IFNLR1: variants seen among roughly 807,000 people sequenced by gnomAD.
The protein encoded by IFNLR1 is CRF2-12.
Under a neutral mutation model 52.5 loss-of-function variants are expected in IFNLR1, and 28 were observed. That is an observed-to-expected ratio of 0.53 (90% CI 0.40 to 0.73). The LOEUF is 0.73. IFNLR1 is among the 30% of genes least tolerant of loss of function. IFNLR1 has a pLI of 0.00. For synonymous variants in IFNLR1, 276 were observed against 274.9 expected (o/e 1.00, Z -0.04); for missense variants, 623 against 659.1 (o/e 0.95, Z 0.60).
intron 3 of IFNLR1, among the ~76,000 whole-genome samples, chr1:24,166,559 T>G (rs2148592875): frequency 6.6e-6 from 1 of 152,230 alleles, no homozygotes; most frequent in Non-Finnish European, 1.5e-5. Context: ...AATTTTTTCT[T>G]TCTTTAAGAC....
chr1:24,182,273 A>G (rs1023851495), intron 1 of IFNLR1, among the ~76,000 whole-genome samples: 2 of 151,404 alleles, frequency 1.3e-5, no homozygotes, highest in East Asian at 1.9e-4. Context: ...GGCATTATTC[A>G]TTAGGGCAGG....
chr1:24,158,656 A>T (rs1156552766), intron 6 of IFNLR1, among the ~76,000 whole-genome samples: 4 of 152,214 alleles, frequency 2.6e-5, no homozygotes, highest in Non-Finnish European at 5.9e-5. Flanking sequence ...CTCCAAGGTC[A>T]GCCAGGACAC....
intron 3 of IFNLR1, among the ~76,000 whole-genome samples, chr1:24,165,237 C>T (rs1001983277): frequency 1.3e-5 from 2 of 152,160 alleles, no homozygotes; most frequent in African/African-American, 2.4e-5. Flanking sequence ...GAAACCTTCT[C>T]GGATAAGCAT....
rs200332015 is a variant in IFNLR1, at chr1:24,157,480, C to T, written c.1213G>A (p.Gly405Ser). 12 of 1,613,472 alleles carry T rather than the reference C, an allele frequency of 7.4e-6. No individual in the cohort carries two copies. In the African/African-American group the frequency reaches 1.1e-4, roughly 14 times the overall value. The change falls in exon 7 of 7, where the codon GGC becomes AGC. Residue 405 changes from glycine (G) to serine (S), a missense_variant. Coordinates refer to ENST00000327535, the MANE Select transcript of IFNLR1 (RefSeq NM_170743.4). This position sits in a 1 kb window ranked among gnomAD's most constrained non-coding sequence, Gnocchi z 5.1. ...DSSWDRAGSS[G>S]YLAEKGPGQG... The stretch of plus-strand genomic sequence containing the variant: ...CCTGGCCCCTTCTCAGCCAAATAGC[C>T]AGAGGACCCAGCCCTGTCCCAGGAG...
chr1:24,168,760 T>C (rs1644545903), intron 3 of IFNLR1, among the ~76,000 whole-genome samples: 1 of 152,292 alleles, frequency 6.6e-6, no homozygotes. Flanking sequence ...TTTATTAATT[T>C]TTTTCTTTTG....
intron 3 of IFNLR1, among the ~76,000 whole-genome samples, chr1:24,168,144 C>T (rs978256501): frequency 6.6e-6 from 1 of 152,046 alleles, no homozygotes; most frequent in African/African-American, 2.4e-5. Context: ...TCCTTCCTTC[C>T]CATTTTTCCA....
intron 2 of IFNLR1, among the ~76,000 whole-genome samples, chr1:24,176,460 A>T (rs1252283611): frequency 6.6e-6 from 1 of 152,228 alleles, no homozygotes; most frequent in Non-Finnish European, 1.5e-5. Flanking sequence ...TATACTTTAA[A>T]ATGGGAACAG....
chr1:24,157,690 C>T lies in IFNLR1; in HGVS notation c.1003G>A (p.Glu335Lys), dbSNP rs778788413. 1.9e-6 allele frequency: 3 copies of T among 1,613,702 alleles called. No homozygotes were observed. In the East Asian group the frequency reaches 6.7e-5, roughly 36 times the overall value. The change falls in exon 7 of 7, where the codon GAA becomes AAA. Residue 335 changes from glutamate (E) to lysine (K), a missense_variant. By Grantham distance (56) the Glu-to-Lys change is moderately conservative (BLOSUM62 1). Coordinates refer to ENST00000327535, the MANE Select transcript of IFNLR1 (RefSeq NM_170743.4). This position sits in a 1 kb window ranked among gnomAD's most constrained non-coding sequence, Gnocchi z 5.1. The stretch of plus-strand genomic sequence containing the variant: ...TAGGGCTGGAAGCTGACGCCATCTT[C>T]TGTGTCCTCCTCATCCTCCTCCTCT... The part of the protein sequence containing the change: ...DEEEEDEEDT[E>K]DGVSFQPYIE...
Position 24,156,091 on chromosome 1 carries a change from G to A in IFNLR1, c.*1039C>T, listed in dbSNP as rs1644375584. 1 of 152,206 alleles carries A rather than the reference G, an allele frequency of 6.6e-6. No homozygotes were observed. Among genetic ancestry groups the A allele is most frequent in the Admixed American group, 6.5e-5 (1 of 15,274 alleles). 9.4% of individuals were successfully genotyped at this position (152,206 alleles called of 1,614,324 possible). ...CAACAAACTGGGTCCCTAGAAGGTG[G>A]AGCAGTTGGTTCCTCCCCTGGGAAG... On this transcript the variant is annotated 3_prime_UTR_variant, in exon 7 of 7. Transcript: ENST00000327535.
chr1:24,169,047 A>T (rs951971656), intron 3 of IFNLR1, among the ~76,000 whole-genome samples: 1 of 152,044 alleles, frequency 6.6e-6, no homozygotes, highest in African/African-American at 2.4e-5. Context: ...CCTGGCCCAG[A>T]ATTGGTTTTA....
chr1:24,167,945 C>A (rs1334955924), intron 3 of IFNLR1, among the ~76,000 whole-genome samples: 1 of 152,084 alleles, frequency 6.6e-6, no homozygotes, highest in Non-Finnish European at 1.5e-5. Context: ...GATCCGCCCG[C>A]CTCGGCCTCC....
intron 2 of IFNLR1, among the ~76,000 whole-genome samples, chr1:24,169,887 C>T (rs184277276): frequency 6.6e-6 from 1 of 152,312 alleles, no homozygotes; most frequent in African/African-American, 2.4e-5. Context: ...TGTAATGCCT[C>T]CCTCACAGGA....
intron 1 of IFNLR1, among the ~76,000 whole-genome samples, chr1:24,182,518 C>T (rs975309111): frequency 6.6e-6 from 1 of 151,932 alleles, no homozygotes; most frequent in Non-Finnish European, 1.5e-5. Context: ...TTTTTAATTC[C>T]CCTGATGTAA....
At chr1:24,179,337 T>G (rs1055905474) in intron 2 of IFNLR1, among the ~76,000 whole-genome samples, 1 of 152,214 alleles carries the variant, frequency 6.6e-6, no homozygotes, top group African/African-American at 2.4e-5. Context: ...CATGCACCCT[T>G]GGTGCTTCAG....
intron 3 of IFNLR1, among the ~76,000 whole-genome samples, chr1:24,168,943 C>T (rs141332105): frequency 6.6e-6 from 1 of 152,198 alleles, no homozygotes; most frequent in African/African-American, 2.4e-5. Flanking sequence ...GGGGTTTTGC[C>T]ATGTTGGCCA....
At chr1:24,180,112 C>A (rs1644673614) in intron 2 of IFNLR1, among the ~76,000 whole-genome samples, 1 of 152,098 alleles carries the variant, frequency 6.6e-6, no homozygotes, top group Non-Finnish European at 1.5e-5. Context: ...GCGTGGGCAA[C>A]ATGGAGAAAC....
rs757369568 is a variant in IFNLR1, at chr1:24,157,319, C to T, written c.1374G>A (p.Pro458=). The part of the protein sequence containing the change: ...WATWGTLPPE[P]NLVPGGPPVS... Reference sequence around the variant, plus strand: ...CTGGGGGTCCCCCAGGGACCAGATTCGGCTCCGGTGGTAAGGTGCCCCAGG... The same window carrying T: ...CTGGGGGTCCCCCAGGGACCAGATTTGGCTCCGGTGGTAAGGTGCCCCAGG... The change falls in exon 7 of 7, where the codon CCG becomes CCA. Residue 458 remains proline (P), a synonymous_variant. Transcript: ENST00000327535. The surrounding 1 kb of genome is among the most constrained non-coding windows in gnomAD (Gnocchi z 5.1). The T allele has an allele frequency of 2.6e-5, 42 of 1,614,070 alleles. No individual in the cohort carries two copies. Among genetic ancestry groups the T allele is most frequent in the Non-Finnish European group, 3.3e-5 (39 of 1,180,038 alleles).
At chr1:24,166,183 AT>A (rs1215059396) in intron 3 of IFNLR1, among the ~76,000 whole-genome samples, 2 of 150,372 alleles carry the variant, frequency 1.3e-5, no homozygotes, top group Non-Finnish European at 3.0e-5. Flanking sequence ...CTTCCCATCC[AT>A]CCATCCATCC....
intron 1 of IFNLR1, among the ~76,000 whole-genome samples, chr1:24,183,699 A>G (rs751553059): frequency 6.6e-6 from 1 of 152,168 alleles, no homozygotes; most frequent in Non-Finnish European, 1.5e-5. Context: ...AAAGGCTTCC[A>G]TCTCACTCCA....
Sources: allele counts gnomAD v4.1 joint callset (sites outside exome capture counted in the v4.1 genomes callset), GRCh38; gene constraint gnomAD v4.1.1; non-coding constraint Gnocchi (gnomAD v3.1); transcripts MANE v1.5; gene names NCBI Gene and HGNC (gene_info 2026-07-23, HGNC 2026-07-21).